The following TENM1 variants were observed in gnomAD, a reference collection of about 807,000 sequenced individuals.
The protein encoded by TENM1 is teneurin-1.
Under a neutral mutation model 174.8 loss-of-function variants are expected in TENM1, and 35 were observed. That is an observed-to-expected ratio of 0.20 (90% CI 0.15 to 0.27). TENM1 has a LOEUF of 0.27. Among genes scored for constraint, TENM1 ranks in the 10% least tolerant of loss-of-function variants. TENM1 has a pLI of 1.00. For synonymous variants in TENM1, 781 were observed against 798.7 expected, an observed-to-expected ratio of 0.98 and a Z score of 0.37; for missense variants, 1,633 against 2,130.1, an observed-to-expected ratio of 0.77 and a Z score of 4.59.
At chrX:124,967,430 G>A (rs1275516436), upstream of TENM1, among the ~76,000 whole-genome samples, 3 of 111,116 alleles carry the variant, frequency 2.7e-5, no homozygotes, top group Admixed American at 9.6e-5. Context: ...CAGCTTCCCC[G>A]GTCCATCCCA....
intron 3 of TENM1, among the ~76,000 whole-genome samples, chrX:124,786,681 C>A (rs1161786519): frequency 8.9e-6 from 1 of 111,829 alleles, no homozygotes; most frequent in African/African-American, 3.2e-5. Flanking sequence ...TGGAGTCTTG[C>A]TGTTCCCATG....
At chrX:124,761,963 G>A (rs973302912) in intron 3 of TENM1, among the ~76,000 whole-genome samples, 3 of 111,631 alleles carry the variant, frequency 2.7e-5, no homozygotes, top group East Asian at 5.6e-4. Flanking sequence ...AAACTGAATC[G>A]CCTCTTTATA....
the TENM1 span, among the ~76,000 whole-genome samples, chrX:125,079,456 C>T: frequency 1.8e-5 from 2 of 111,877 alleles, no homozygotes; most frequent in East Asian, 2.8e-4. Context: ...TATTTGAAAG[C>T]CACATTTTTA....
chrX:124,539,474 G>A (rs1026625900), intron 15 of TENM1, among the ~76,000 whole-genome samples: 7 of 111,945 alleles, frequency 6.3e-5, no homozygotes, highest in African/African-American at 1.9e-4. Flanking sequence ...CCAGAGCTTA[G>A]AAGAGTACCT....
rs191947505 is a variant in TENM1, at chrX:124,626,722, T to C, written c.2077+15069A>G. The stretch of plus-strand genomic sequence containing the variant: ...AATTTCAGAATGGTGGTGGATCCTA[T>C]TGCTTTCTACCAGAAGTCTTAAGGG... On this transcript the variant is annotated intron_variant, in intron 11 of 31. Transcript: ENST00000422452. Among the ~76,000 whole-genome samples, 132 of 112,208 alleles carry C rather than the reference T, an allele frequency of 1.2e-3. 1 individual carries two copies. The highest frequency in any genetic ancestry group is 4.6e-3 in the Middle Eastern group (1 of 218).
intron 5 of TENM1, among the ~76,000 whole-genome samples, chrX:124,691,916 A>G (rs1380839420): frequency 9.0e-6 from 1 of 111,555 alleles, no homozygotes; most frequent in Non-Finnish European, 1.9e-5. Context: ...ATATTTTAAA[A>G]TTTTATGTTT....
At chrX:125,044,568 C>A in the TENM1 span, among the ~76,000 whole-genome samples, 1 of 110,119 alleles carries the variant, frequency 9.1e-6, no homozygotes, top group Non-Finnish European at 1.9e-5. Context: ...CCAGTCTGGG[C>A]GACAGATTGA....
chrX:124,444,955 G>T (rs1210098227), intron 23 of TENM1, among the ~76,000 whole-genome samples: 1 of 111,710 alleles, frequency 9.0e-6, no homozygotes, highest in Admixed American at 9.5e-5. Flanking sequence ...TTGGCGTCAG[G>T]TTGACCAGGT....
chrX:124,815,536 A>C (rs181505870), intron 3 of TENM1, among the ~76,000 whole-genome samples: 162 of 111,642 alleles, frequency 1.5e-3, no homozygotes, highest in African/African-American at 4.9e-3. Flanking sequence ...TTAAATAACG[A>C]TTGTCCTTTG....
intron 22 of TENM1, among the ~76,000 whole-genome samples, chrX:124,461,668 T>C (rs1414467263): frequency 1.8e-5 from 2 of 111,782 alleles, no homozygotes; most frequent in East Asian, 5.6e-4. Context: ...ATATCACATG[T>C]TCTCACTGAT....
chrX:124,682,302 T>G (rs752832973), intron 5 of TENM1, among the ~76,000 whole-genome samples: 1 of 111,790 alleles, frequency 8.9e-6, no homozygotes, highest in Admixed American at 9.5e-5. Context: ...CATCATTTCT[T>G]AGTAGAGTAC....
At chrX:124,734,826 A>T (rs1426212894) in intron 4 of TENM1, among the ~76,000 whole-genome samples, 1 of 112,381 alleles carries the variant, frequency 8.9e-6, no homozygotes, top group Non-Finnish European at 1.9e-5. Context: ...TTTATCAAGT[A>T]GTATATTATA....
At chrX:124,458,126 A>G (rs779831826) in intron 22 of TENM1, among the ~76,000 whole-genome samples, 1 of 111,881 alleles carries the variant, frequency 8.9e-6, no homozygotes, top group Non-Finnish European at 1.9e-5. Context: ...TTAGTCAAGG[A>G]GAATTTTTCT....
intron 15 of TENM1, among the ~76,000 whole-genome samples, chrX:124,531,197 A>G (rs1391816628): frequency 1.9e-5 from 2 of 103,617 alleles, no homozygotes; most frequent in Admixed American, 2.1e-4. Flanking sequence ...ATCTTGGATT[A>G]AAGGGGACCA....
At chrX:124,899,820 A>T (rs1268718511) in intron 1 of TENM1, among the ~76,000 whole-genome samples, 1 of 112,190 alleles carries the variant, frequency 8.9e-6, no homozygotes, top group Non-Finnish European at 1.9e-5. Context: ...CATCACTGTT[A>T]CCATGAAAAT....
At chrX:125,155,108 G>T in the TENM1 span, among the ~76,000 whole-genome samples, 4 of 111,320 alleles carry the variant, frequency 3.6e-5, no homozygotes, top group Non-Finnish European at 7.5e-5. Context: ...TTTTGACAGG[G>T]CGCTGATTGG....
chrX:125,057,427 A>G, the TENM1 span, among the ~76,000 whole-genome samples: 1 of 111,328 alleles, frequency 9.0e-6, no homozygotes, highest in Admixed American at 9.7e-5. Context: ...GTAAAGAAGG[A>G]AAAATATGAA....
At chrX:124,548,747 G>C (rs1343394784) in intron 14 of TENM1, among the ~76,000 whole-genome samples, 1 of 111,166 alleles carries the variant, frequency 9.0e-6, no homozygotes, top group Admixed American at 9.6e-5. Context: ...TCTTTTGCTT[G>C]CTCTCTCTCC....
At chrX:124,644,214 T>C (rs1335364488) in intron 10 of TENM1, among the ~76,000 whole-genome samples, 3 of 102,489 alleles carry the variant, frequency 2.9e-5, no homozygotes, top group Non-Finnish European at 3.9e-5. Context: ...CATATACATA[T>C]ATATATATAT....
Sources: gnomAD v4.1 joint callset for allele counts (sites outside exome capture counted in the v4.1 genomes callset) on GRCh38, gnomAD v4.1.1 for gene constraint, MANE v1.5 for transcripts, NCBI Gene and HGNC (gene_info 2026-07-23, HGNC 2026-07-21) for gene names.